Variants in SPHK2 observed in about 807,000 individuals in gnomAD.
The protein encoded by SPHK2 is sphingosine kinase 2.
A neutral mutation model predicts 32.3 loss-of-function variants in SPHK2; 18 were observed. That is an observed-to-expected ratio of 0.56 (90% CI 0.39 to 0.83). SPHK2 has a LOEUF of 0.83. Ranked by LOEUF, SPHK2 falls within the 40% of genes least tolerant of loss-of-function variation. The pLI is 0.00. For synonymous variants in SPHK2, 462 were observed against 417.6 expected (o/e 1.11, Z -1.30); for missense variants, 850 against 908.7 (o/e 0.94, Z 0.83).
rs576196849 is a variant in SPHK2 at position 48,629,263 on chromosome 19, C to G, written c.1455C>G (p.Pro485=). Residue 485 remains proline (P), a synonymous_variant, in exon 7 of 7, where the codon CCC becomes CCG. Transcript: ENST00000245222. ...CTCCCAAGGCAGCTCTACACTCACC[C>G]GTCTCCGAAGGGGCCCCCGTAATTC... ...PGSPKAALHS[P]VSEGAPVIPP... is the part of the protein sequence containing the mutation. 1.9e-6 allele frequency: 3 copies of G among 1,613,702 alleles called. No individual in the cohort carries two copies. The highest frequency in any genetic ancestry group is 2.2e-5 in the South Asian group (2 of 91,090).
rs375288880 is a variant in SPHK2 at position 48,626,352 on chromosome 19, C to T, written c.501C>T (p.Pro167=). The change falls in exon 3 of 7, where the codon CCC becomes CCT. Residue 167 remains proline, a synonymous_variant. Coordinates refer to ENST00000245222, the MANE Select transcript of SPHK2 (RefSeq NM_020126.5). ...LTCLLRGLPL[P]GDGEITPDLL... ...GTCTGCTCCGAGGACTGCCACTGCC[C>T]GGGGATGGGGGTGAGGTGCTGGGCA... 1.1e-4 allele frequency: 178 copies of T among 1,584,256 alleles called. No homozygotes were observed. Among genetic ancestry groups the T allele is most frequent in the Middle Eastern group, 1.7e-4 (1 of 6,016 alleles).
At chr19:48,625,709 A>T in intron 2 of SPHK2, 182 bp from the exon 3 acceptor site, 1 of 1,535,042 alleles carries the variant, frequency 6.5e-7, no homozygotes, top group Non-Finnish European at 8.7e-7. Context: ...CCCCTCTGGG[A>T]TGCTGGCCTC....
In SPHK2 at chr19:48,629,897, T is replaced by A; in HGVS notation, c.*124T>A. On this transcript the variant is annotated 3_prime_UTR_variant, in exon 7 of 7. Transcript: ENST00000245222. ...CAGGGGCCCTGGCCCCGTCTCAGGA[T>A]TGCGCTCGCTTTCATGGGACCAGAC... 2 of 1,440,000 alleles carry A rather than the reference T, an allele frequency of 1.4e-6. No homozygotes were observed. Among genetic ancestry groups the A allele is most frequent in the Non-Finnish European group, 1.8e-6 (2 of 1,097,820 alleles). The allele number at this position is 1,440,000 out of a possible 1,614,324, so 89.2% of individuals were successfully genotyped here. A position where few individuals can be genotyped will look rare whatever the true frequency, so the allele number is the denominator to read the frequency against.
intron 2 of SPHK2, 50 bp downstream of exon 2, chr19:48,620,603 T>C: frequency 7.6e-7 from 1 of 1,318,586 alleles, no homozygotes; most frequent in East Asian, 2.4e-5. Context: ...AAAGACAAAA[T>C]CTGAAGCTTT....
At chr19:48,625,335 C>T (rs1974563474) in intron 2 of SPHK2, 4 of 1,125,210 alleles carry the variant, frequency 3.6e-6, no homozygotes, top group Non-Finnish European at 4.4e-6. Flanking sequence ...GTTTCTCTGG[C>T]TCTCAGACCC....
chr19:48,622,983 G>A (rs1167636802), intron 2 of SPHK2, among the ~76,000 whole-genome samples: 2 of 151,206 alleles, frequency 1.3e-5, no homozygotes, highest in Non-Finnish European at 2.9e-5. Context: ...GGTGGCTCAC[G>A]CCTGTAATCC....
Position 48,626,208 on chromosome 19 carries a change from C to T in SPHK2, c.357C>T (p.Thr119=). Residue 119 remains threonine, a synonymous_variant, in exon 3 of 7, where the codon ACC becomes ACT. Coordinates refer to ENST00000245222, the MANE Select transcript of SPHK2 (RefSeq NM_020126.5). ...SDSAAYFCIY[T]YPRGRRGARR... is the part of the protein sequence containing the mutation. ...CAGCGGCCTACTTCTGCATCTACAC[C>T]TACCCTCGGGGCCGGCGCGGGGCCC... The T allele has an allele frequency of 6.3e-7, 1 of 1,596,150 alleles. No individual in the cohort carries two copies. The highest frequency in any genetic ancestry group is 8.5e-7 in the Non-Finnish European group (1 of 1,175,642).
chr19:48,627,869 G>A, intron 4 of SPHK2, 28 bp downstream of exon 4: 4 of 1,599,604 alleles, frequency 2.5e-6, no homozygotes, highest in Non-Finnish European at 3.4e-6. Flanking sequence ...TGGGAGCTGG[G>A]GGCTGGGACA....
chr19:48,624,873 G>A (rs2147679968), intron 2 of SPHK2: 1 of 978,382 alleles, frequency 1.0e-6, no homozygotes, highest in African/African-American at 1.8e-5. Flanking sequence ...CACAGGCGGT[G>A]GGGGGTGGGG....
At position 48,628,507 on chromosome 19, in the gene SPHK2, A is replaced by AAG. The variant is rs34630951; in HGVS notation, c.873-172_873-171dup. On this transcript the variant is annotated intron_variant, in intron 6 of 6. Coordinates refer to ENST00000245222, the MANE Select transcript of SPHK2 (RefSeq NM_020126.5). This position sits in a 1 kb window ranked among gnomAD's most constrained non-coding sequence, Gnocchi z 5.2. ...TCAGTGAATTGTAGGGAGCAAATGA[A>AAG]AGATGACCAGGAACCTGGCCCCGTA... The AAG allele has an allele frequency of 0.36, 330,277 of 926,098 alleles. 73,497 individuals are homozygous for AAG. Among genetic ancestry groups the AAG allele is most frequent in the East Asian group, 0.76 (31,553 of 41,622 alleles). The allele number at this position is 926,098 out of a possible 1,614,324, so 57.4% of individuals were successfully genotyped here. A position where few individuals can be genotyped will look rare whatever the true frequency, so the allele number is the denominator to read the frequency against.
chr19:48,625,397 G>T, intron 2 of SPHK2: 1 of 1,176,972 alleles, frequency 8.5e-7, no homozygotes, highest in East Asian at 6.4e-5. Flanking sequence ...TGCACCGTAT[G>T]GGGGGTGGGG....
rs927928038 is a variant in SPHK2 at position 48,627,735 on chromosome 19, A to G, written c.555A>G (p.Leu185=). Residue 185 remains leucine, a synonymous_variant, in exon 4 of 7, where the codon CTA becomes CTG. Transcript: ENST00000245222. ...TACCTCGGCCGCCCCGGTTGCTTCTATTGGTCAATCCCTTTGGGGGTCGGG... is the reference window on the plus strand; with the variant it reads ...TACCTCGGCCGCCCCGGTTGCTTCTGTTGGTCAATCCCTTTGGGGGTCGGG... ...DLLPRPPRLL[L]LVNPFGGRGL... 1.2e-6 allele frequency: 2 copies of G among 1,612,922 alleles called. No individual in the cohort carries two copies. Among genetic ancestry groups the G allele is most frequent in the Non-Finnish European group, 1.7e-6 (2 of 1,179,426 alleles).
chr19:48,625,975 C>T lies in SPHK2; in HGVS notation c.124C>T (p.Pro42Ser). The T allele has an allele frequency of 6.2e-7, 1 of 1,612,942 alleles. No homozygotes were observed. The highest frequency in any genetic ancestry group is 8.5e-7 in the Non-Finnish European group (1 of 1,179,874). ...GGCTAAGGCCATGGCCCCGCCCCCA[C>T]CGCCACTGGCTGCCAGCACCCCGCT... is the stretch of plus-strand genomic sequence containing the variant. Reference protein sequence around the residue: ...VRAKAMAPPPPPLAASTPLLH... With the variant: ...VRAKAMAPPPSPLAASTPLLH... The change falls in exon 3 of 7, where the codon CCG becomes TCG. Residue 42 changes from proline (P) to serine (S), a missense_variant. By Grantham distance (74) the Pro-to-Ser change is moderately conservative. Transcript: ENST00000245222.
chr19:48,621,251 G>A (rs1601150923), intron 2 of SPHK2, among the ~76,000 whole-genome samples: 1 of 152,044 alleles, frequency 6.6e-6, no homozygotes, highest in African/African-American at 2.4e-5. Context: ...AGCTACTTTT[G>A]TATTTTTCAT....
chr19:48,627,122 G>A (rs1407741116), intron 3 of SPHK2, among the ~76,000 whole-genome samples: 2 of 152,206 alleles, frequency 1.3e-5, no homozygotes, highest in South Asian at 2.1e-4. Context: ...CGACAAGACC[G>A]ATACTCCATC....
Position 48,626,082 on chromosome 19 carries a change from G to T in SPHK2, c.231G>T (p.Gln77His). ...TTACATCGCAGGCCCTGCACATACAGCGGCTGCGCCCCAAACCTGAAGCCA... is the reference window on the plus strand; with the variant it reads ...TTACATCGCAGGCCCTGCACATACATCGGCTGCGCCCCAAACCTGAAGCCA... ...LTLTSQALHIQRLRPKPEARP... is the reference protein window; with the variant it reads ...LTLTSQALHIHRLRPKPEARP... Residue 77 changes from glutamine (Q) to histidine (H), a missense_variant, in exon 3 of 7, where the codon CAG becomes CAT. Physicochemically the swap from Gln to His is conservative, Grantham distance 24. Coordinates refer to ENST00000245222, the MANE Select transcript of SPHK2 (RefSeq NM_020126.5). The T allele has an allele frequency of 6.2e-7, 1 of 1,612,914 alleles. No individual in the cohort carries two copies. Among genetic ancestry groups the T allele is most frequent in the East Asian group, 2.2e-5 (1 of 44,864 alleles).
rs2030173446 is a variant in SPHK2, at chr19:48,628,378, C to T, written c.872+101C>T. On this transcript the variant is annotated intron_variant, in intron 6 of 6. Transcript: ENST00000245222. The surrounding 1 kb of genome is among the most constrained non-coding windows in gnomAD (Gnocchi z 5.2). ...CAAACCCACAGTCAGTCAAGTAAATCAGCCTGCCTGTGGGATGCTCACCCC... is the reference window on the plus strand; with the variant it reads ...CAAACCCACAGTCAGTCAAGTAAATTAGCCTGCCTGTGGGATGCTCACCCC... 6 of 1,187,726 alleles carry T rather than the reference C, an allele frequency of 5.1e-6. No individual in the cohort carries two copies. The highest frequency in any genetic ancestry group is 1.5e-5 in the African/African-American group (1 of 66,856). The allele number at this position is 1,187,726 out of a possible 1,614,324, so 73.6% of individuals were successfully genotyped here. A position where few individuals can be genotyped will look rare whatever the true frequency, so the allele number is the denominator to read the frequency against.
At chr19:48,620,618 TAAAAAAA>T in intron 2 of SPHK2, 65 bp downstream of exon 2, 2 of 1,026,160 alleles carry the variant, frequency 1.9e-6, no homozygotes, top group Non-Finnish European at 2.8e-6. Context: ...AGCTTTTCTT[TAAAAAAA>T]AAAAAAAAAA....
chr19:48,628,357 C>A lies in SPHK2; in HGVS notation c.872+80C>A. The A allele has an allele frequency of 1.5e-6, 2 of 1,341,824 alleles. No individual in the cohort carries two copies. The highest frequency in any genetic ancestry group is 2.1e-6 in the Non-Finnish European group (2 of 942,060). The allele number at this position is 1,341,824 out of a possible 1,614,324, so 83.1% of individuals were successfully genotyped here. A position where few individuals can be genotyped will look rare whatever the true frequency, so the allele number is the denominator to read the frequency against. On this transcript the variant is annotated intron_variant, in intron 6 of 6. Transcript: ENST00000245222. This position sits in a 1 kb window ranked among gnomAD's most constrained non-coding sequence, Gnocchi z 5.2. The stretch of plus-strand genomic sequence containing the variant: ...CCCCTATATCTCCCACTCAGCCAAA[C>A]CCACAGTCAGTCAAGTAAATCAGCC...
Sources: gnomAD v4.1 joint callset for allele counts (sites outside exome capture counted in the v4.1 genomes callset) on GRCh38, gnomAD v4.1.1 for gene constraint, Gnocchi (gnomAD v3.1) non-coding constraint, MANE v1.5 for transcripts, NCBI Gene and HGNC (gene_info 2026-07-23, HGNC 2026-07-21) for gene names.